The following NKAIN1 variants were observed in gnomAD, a reference collection of about 807,000 sequenced individuals.
NKAIN1 encodes the protein sodium/potassium-transporting ATPase subunit beta-1-interacting protein 1.
NKAIN1 carries 13 observed loss-of-function variants against 31.6 expected under a neutral mutation model. The observed-to-expected ratio is 0.41, with a 90% CI of 0.27 to 0.65. The LOEUF is 0.65. Ranked by LOEUF, NKAIN1 falls within the 30% of genes least tolerant of loss-of-function variation. The pLI is 0.30. For missense variants in NKAIN1, 193 were observed against 262.2 expected (o/e 0.74, Z 1.82); for synonymous variants, 104 against 109.0 (o/e 0.95, Z 0.28).
intron 1 of NKAIN1, among the ~76,000 whole-genome samples, chr1:31,225,217 G>T (rs1433107102): frequency 6.6e-6 from 1 of 150,512 alleles, no homozygotes; most frequent in Non-Finnish European, 1.5e-5. Context: ...TAGTAGAGAT[G>T]GGGTTTCACC....
intron 3 of NKAIN1, 152 bp from the exon 4 acceptor site, chr1:31,184,166 C>A (rs1645225164): frequency 3.2e-6 from 2 of 632,156 alleles, no homozygotes. Flanking sequence ...ACTTAATGAC[C>A]ACACAGGCCT....
At chr1:31,227,400 T>C (rs1238793628) in intron 1 of NKAIN1, among the ~76,000 whole-genome samples, 2 of 152,228 alleles carry the variant, frequency 1.3e-5, no homozygotes, top group Non-Finnish European at 2.9e-5. Context: ...TGCGCAGCTC[T>C]GCCACTGCTG....
At chr1:31,227,770 C>T (rs1645618810) in intron 1 of NKAIN1, among the ~76,000 whole-genome samples, 1 of 152,184 alleles carries the variant, frequency 6.6e-6, no homozygotes, top group Non-Finnish European at 1.5e-5. Flanking sequence ...TGGATAACCA[C>T]AAGACCTTTC....
At chr1:31,235,330 ATGT>A (rs1645686491) in intron 1 of NKAIN1, among the ~76,000 whole-genome samples, 1 of 152,200 alleles carries the variant, frequency 6.6e-6, no homozygotes, top group Admixed American at 6.5e-5. Context: ...TATGTTAATA[ATGT>A]TGTCAAAATG....
At chr1:31,238,018 C>T (rs186736389) in intron 1 of NKAIN1, among the ~76,000 whole-genome samples, 475 of 152,298 alleles carry the variant, frequency 3.1e-3, no homozygotes, top group Admixed American at 5.2e-3. Context: ...CTGGAGTTCC[C>T]ATTCCACCTG....
intron 1 of NKAIN1, among the ~76,000 whole-genome samples, chr1:31,188,906 G>A (rs551712438): frequency 3.3e-5 from 5 of 152,018 alleles, no homozygotes; most frequent in East Asian, 3.9e-4. Flanking sequence ...CCAGCTATTC[G>A]GGAGGCTTAG....
chr1:31,199,214 G>A (rs1269651402), intron 1 of NKAIN1, among the ~76,000 whole-genome samples: 1 of 152,144 alleles, frequency 6.6e-6, no homozygotes, highest in Non-Finnish European at 1.5e-5. Context: ...TTAAGGACAG[G>A]GAGGCCTGAG....
intron 1 of NKAIN1, among the ~76,000 whole-genome samples, chr1:31,197,454 G>A (rs928827822): frequency 6.6e-6 from 1 of 151,520 alleles, no homozygotes; most frequent in Non-Finnish European, 1.5e-5. Flanking sequence ...CACCATGTTG[G>A]TCAGGTTGGT....
Position 31,188,131 on chromosome 1 carries a change from G to C in NKAIN1, c.111C>G (p.Ile37Met), listed in dbSNP as rs1192359163. ...CCATGATGTGCAGGAAGTTGGCTAGGATGGGAGCCCACTGGTAGCCCAGGA... is the reference window on the plus strand; with the variant it reads ...CCATGATGTGCAGGAAGTTGGCTAGCATGGGAGCCCACTGGTAGCCCAGGA... ...FDFLGYQWAP[I>M]LANFLHIMAV... Residue 37 changes from isoleucine (I) to methionine (M), a missense_variant, in exon 2 of 7, where the codon ATC becomes ATG. Ile to Met is a conservative substitution (Grantham distance 10). Transcript: ENST00000373736. The C allele has an allele frequency of 1.3e-6, 2 of 1,552,064 alleles. No individual in the cohort carries two copies. Among genetic ancestry groups the C allele is most frequent in the Non-Finnish European group, 1.7e-6 (2 of 1,147,270 alleles).
At chr1:31,211,615 T>TC (rs1645469957) in intron 1 of NKAIN1, among the ~76,000 whole-genome samples, 2 of 151,496 alleles carry the variant, frequency 1.3e-5, no homozygotes, top group African/African-American at 4.8e-5. Context: ...TTTTTTTTTT[T>TC]CAGGAATGTA....
chr1:31,225,033 C>CTTTTCTTT (rs542671307), intron 1 of NKAIN1, among the ~76,000 whole-genome samples: 2 of 112,132 alleles, frequency 1.8e-5, no homozygotes, highest in Non-Finnish European at 3.4e-5. Flanking sequence ...CTTTTCTTTT[C>CTTTTCTTT]TTTTTTTTTT....
intron 1 of NKAIN1, among the ~76,000 whole-genome samples, chr1:31,204,179 G>A (rs1645405911): frequency 1.3e-5 from 2 of 152,166 alleles, no homozygotes; most frequent in South Asian, 4.1e-4. Flanking sequence ...GCAGGGTGGG[G>A]AAGAGATGTG....
At chr1:31,225,052 G>A (rs112310832) in intron 1 of NKAIN1, among the ~76,000 whole-genome samples, 3,412 of 76,924 alleles carry the variant, frequency 0.044, 79 homozygotes, top group Non-Finnish European at 0.054. Context: ...TTTTTGAGAC[G>A]GACTCTCACT....
intron 1 of NKAIN1, among the ~76,000 whole-genome samples, chr1:31,203,341 CA>C (rs377435559): frequency 5.1e-5 from 2 of 39,022 alleles, no homozygotes; most frequent in Non-Finnish European, 4.4e-4. Flanking sequence ...GGGTCACAGT[CA>C]ATGACAGTGC....
At chr1:31,192,754 G>A (rs1453116482) in intron 1 of NKAIN1, among the ~76,000 whole-genome samples, 1 of 152,036 alleles carries the variant, frequency 6.6e-6, no homozygotes, top group Non-Finnish European at 1.5e-5. Flanking sequence ...GTCTCGCCCT[G>A]TTGCCCAGCC....
Position 31,220,003 on chromosome 1 carries a change from A to ACTTTTTT in NKAIN1, c.54+19490_54+19491insAAAAAAG, listed in dbSNP as rs138578415. ...GCTAAACCTGCTTCAGAACACTCAG[A>ACTTTTTT]TTTTTTTTTTTTTTTTTTTTTGAGA... On this transcript the variant is annotated intron_variant, in intron 1 of 6. Coordinates refer to ENST00000373736, the MANE Select transcript of NKAIN1 (RefSeq NM_024522.3). Among the ~76,000 whole-genome samples, 11 of 127,784 alleles carry ACTTTTTT rather than the reference A, an allele frequency of 8.6e-5. 3 individuals carry two copies. The highest frequency in any genetic ancestry group is 1.1e-4 in the Non-Finnish European group (7 of 63,226). The allele number at this position is 127,784 out of a possible 152,430, so 83.8% of individuals were successfully genotyped here. A position where few individuals can be genotyped will look rare whatever the true frequency, so the allele number is the denominator to read the frequency against.
intron 1 of NKAIN1, among the ~76,000 whole-genome samples, chr1:31,211,601 A>C (rs1570467340): frequency 2.6e-5 from 2 of 77,248 alleles, no homozygotes; most frequent in Non-Finnish European, 3.2e-5. Context: ...AATTCCAACT[A>C]CCTTTTTTTT....
chr1:31,237,415 G>A (rs958826552), intron 1 of NKAIN1, among the ~76,000 whole-genome samples: 6 of 152,048 alleles, frequency 3.9e-5, no homozygotes, highest in South Asian at 2.1e-4. Context: ...AAAGCTAACC[G>A]TTATTATCGC....
chr1:31,216,288 A>G (rs1326683486), intron 1 of NKAIN1, among the ~76,000 whole-genome samples: 1 of 152,078 alleles, frequency 6.6e-6, no homozygotes, highest in African/African-American at 2.4e-5. Context: ...CCTGGTTCTC[A>G]CGGCCTAGTC....
Sources: allele counts gnomAD v4.1 joint callset (sites outside exome capture counted in the v4.1 genomes callset), GRCh38; gene constraint gnomAD v4.1.1; transcripts MANE v1.5; gene names NCBI Gene and HGNC (gene_info 2026-07-23, HGNC 2026-07-21).